GPC6: variants seen among roughly 807,000 people sequenced by gnomAD.
The protein encoded by GPC6 is glypican-6.
A neutral mutation model predicts 55.2 loss-of-function variants in GPC6; 14 were observed. That is an observed-to-expected ratio of 0.25 (90% CI 0.17 to 0.40). The LOEUF is 0.40. Ranked by LOEUF, GPC6 falls within the 10% of genes least tolerant of loss-of-function variation. The probability of loss-of-function intolerance (pLI) is 1.00; values close to 1 mark genes in which losing one functional copy is unlikely to be tolerated. For synonymous variants in GPC6, 278 were observed against 259.6 expected (o/e 1.07, Z -0.68); for missense variants, 641 against 708.5 (o/e 0.90, Z 1.08).
intron 2 of GPC6, among the ~76,000 whole-genome samples, chr13:93,660,163 T>C (rs959441485): frequency 6.6e-6 from 1 of 152,138 alleles, no homozygotes; most frequent in Admixed American, 6.6e-5. Flanking sequence ...GAAAAAAAAC[T>C]ATGCCATTTA....
At chr13:94,131,019 T>G (rs1030342477) in intron 4 of GPC6, among the ~76,000 whole-genome samples, 2 of 152,128 alleles carry the variant, frequency 1.3e-5, no homozygotes, top group Non-Finnish European at 2.9e-5. Context: ...GAATTGCAAA[T>G]TGTAAGCCAA....
chr13:93,381,295 A>G (rs79038325), intron 1 of GPC6, among the ~76,000 whole-genome samples: 4 of 152,238 alleles, frequency 2.6e-5, no homozygotes, highest in Non-Finnish European at 4.4e-5. Context: ...CAGAACTGAT[A>G]GTGTCATTGC....
chr13:93,444,531 T>C (rs1170691684), intron 1 of GPC6, among the ~76,000 whole-genome samples: 1 of 152,092 alleles, frequency 6.6e-6, no homozygotes, highest in Admixed American at 6.5e-5. Flanking sequence ...CGCTTGAACC[T>C]GGGAAGCGGA....
chr13:93,936,241 A>C (rs1229854348), intron 3 of GPC6, among the ~76,000 whole-genome samples: 1 of 152,218 alleles, frequency 6.6e-6, no homozygotes, highest in Non-Finnish European at 1.5e-5. Flanking sequence ...TTCAGAAGAT[A>C]AAATGGAATT....
intron 1 of GPC6, among the ~76,000 whole-genome samples, chr13:93,461,135 T>A (rs1208172054): frequency 6.6e-6 from 1 of 152,162 alleles, no homozygotes; most frequent in Admixed American, 6.6e-5. Context: ...AATTTTTTTA[T>A]CGTAAAATGT....
chr13:93,317,116 T>C (rs181667948), intron 1 of GPC6, among the ~76,000 whole-genome samples: 1 of 152,176 alleles, frequency 6.6e-6, no homozygotes, highest in East Asian at 1.9e-4. Flanking sequence ...TTACTTACAA[T>C]TGGCTGACTT....
intron 2 of GPC6, among the ~76,000 whole-genome samples, chr13:93,829,335 C>A (rs1424112679): frequency 6.6e-6 from 1 of 152,176 alleles, no homozygotes; most frequent in African/African-American, 2.4e-5. Flanking sequence ...TAATGATACC[C>A]AATGGCTTTA....
chr13:93,909,209 C>G (rs1053773725), intron 3 of GPC6, among the ~76,000 whole-genome samples: 2 of 152,090 alleles, frequency 1.3e-5, no homozygotes, highest in African/African-American at 2.4e-5. Context: ...TTCAATTTCT[C>G]TAGGAGCCTT....
At chr13:93,368,376 C>G (rs1881334845) in intron 1 of GPC6, among the ~76,000 whole-genome samples, 1 of 131,300 alleles carries the variant, frequency 7.6e-6, no homozygotes, top group African/African-American at 2.7e-5. Flanking sequence ...TTCCTTCCTT[C>G]CTTCCTTCCT....
chr13:93,263,414 G>A (rs1877217101), intron 1 of GPC6, among the ~76,000 whole-genome samples: 1 of 152,098 alleles, frequency 6.6e-6, no homozygotes, highest in African/African-American at 2.4e-5. Context: ...ACCCAGGCTA[G>A]AGTGCAGTGG....
intron 4 of GPC6, among the ~76,000 whole-genome samples, chr13:94,142,210 A>AT (rs1163023763): frequency 6.6e-5 from 10 of 152,180 alleles, no homozygotes; most frequent in African/African-American, 2.4e-4. Flanking sequence ...GGCTGTTGAG[A>AT]TTTTAAAGAA....
chr13:94,038,949 A>C (rs951197132), intron 4 of GPC6, among the ~76,000 whole-genome samples: 54 of 151,944 alleles, frequency 3.6e-4, no homozygotes, highest in African/African-American at 1.3e-3. Context: ...TCATCAAGCA[A>C]GCTTCTTCTT....
At chr13:93,460,985 A>G (rs7321999) in intron 1 of GPC6, among the ~76,000 whole-genome samples, 32,889 of 152,114 alleles carry the variant, frequency 0.22, 3,666 homozygotes, top group Middle Eastern at 0.29. Context: ...TGAGGGCTCC[A>G]TCAGCTATTC....
At chr13:94,244,189 T>C (rs1446362802) in intron 4 of GPC6, among the ~76,000 whole-genome samples, 3 of 152,150 alleles carry the variant, frequency 2.0e-5, no homozygotes, top group Admixed American at 6.6e-5. Context: ...AGAATACAAA[T>C]GATTTATCTG....
chr13:93,339,109 C>T (rs1287373560), intron 1 of GPC6, among the ~76,000 whole-genome samples: 1 of 152,176 alleles, frequency 6.6e-6, no homozygotes, highest in African/African-American at 2.4e-5. Context: ...ATTCCTTTGA[C>T]AATTCCTCTG....
chr13:93,517,967 T>TTGTTAA lies in GPC6; in HGVS notation c.161-27295_161-27294insGTTAAT, dbSNP rs1157538883. On this transcript the variant is annotated intron_variant, in intron 1 of 8. Transcript: ENST00000377047. ...TAGTAAAATTCAGGGAAGAAATTGC[T>TTGTTAA]TATTAATATTATTATTATTATTTTT... is the stretch of plus-strand genomic sequence containing the variant. Among the ~76,000 whole-genome samples the TTGTTAA allele has an allele frequency of 4.9e-4, 8 of 16,350 alleles. No homozygotes were observed. The Non-Finnish European group carries it at 7.9e-3, about 16-fold the overall frequency. 10.7% of individuals were successfully genotyped at this position (16,350 alleles called of 152,430 possible).
At chr13:93,516,826 ACC>A in intron 1 of GPC6, among the ~76,000 whole-genome samples, 1 of 152,208 alleles carries the variant, frequency 6.6e-6, no homozygotes, top group East Asian at 1.9e-4. Flanking sequence ...CTATAAAATC[ACC>A]TCCAGCTTTT....
rs529741566 is a variant in GPC6 at position 93,435,290 on chromosome 13, T to A, written c.161-109973T>A. 6.1e-4 allele frequency among the ~76,000 whole-genome samples: 93 copies of A among 151,774 alleles called. 1 individual carries two copies. The South Asian group carries it at 0.019, about 31-fold the overall frequency. Reference sequence around the variant, plus strand: ...ACACCATGCCCAGCTATTATTATTATTATTATTTAGTGACGGATTTTTGCT... The same window carrying A: ...ACACCATGCCCAGCTATTATTATTAATATTATTTAGTGACGGATTTTTGCT... On this transcript the variant is annotated intron_variant, in intron 1 of 8. Transcript: ENST00000377047.
chr13:93,764,532 CT>C (rs1024221051), intron 2 of GPC6, among the ~76,000 whole-genome samples: 5 of 150,066 alleles, frequency 3.3e-5, no homozygotes, highest in Admixed American at 2.7e-4. Context: ...TTTTTTGTAC[CT>C]TTTTTTTAAA....
Sources: gnomAD v4.1 joint callset for allele counts (sites outside exome capture counted in the v4.1 genomes callset) on GRCh38, gnomAD v4.1.1 for gene constraint, MANE v1.5 for transcripts, NCBI Gene and HGNC (gene_info 2026-07-23, HGNC 2026-07-21) for gene names.